Variants in DYM observed in about 807,000 individuals in gnomAD.
DYM encodes dymeclin.
Under a neutral mutation model 93.1 loss-of-function variants are expected in DYM, and 78 were observed. The ratio of observed to expected loss-of-function variants is 0.84; its 90% CI spans 0.70 to 1.01. DYM has a LOEUF of 1.01. Ranked by LOEUF, DYM falls within the 50% of genes least tolerant of loss-of-function variation. DYM has a pLI of 0.00. For synonymous variants in DYM, 321 were observed against 319.7 expected, an observed-to-expected ratio of 1.00 and a Z score of -0.04; for missense variants, 789 against 845.0, an observed-to-expected ratio of 0.93 and a Z score of 0.82.
chr18:49,114,624 A>C, intron 16 of DYM: 2 of 970,958 alleles, frequency 2.1e-6, no homozygotes, highest in Non-Finnish European at 2.4e-6. Flanking sequence ...TCCTGATTAA[A>C]AAAAATTAAT....
At chr18:49,296,603 G>T (rs1185134623) in intron 8 of DYM, among the ~76,000 whole-genome samples, 1 of 151,958 alleles carries the variant, frequency 6.6e-6, no homozygotes, top group Non-Finnish European at 1.5e-5. Context: ...ACTATTGGTG[G>T]GGGGAAATAG....
chr18:49,406,115 T>C (rs1439111592), intron 2 of DYM, among the ~76,000 whole-genome samples: 2 of 152,214 alleles, frequency 1.3e-5, no homozygotes, highest in Non-Finnish European at 2.9e-5. Flanking sequence ...AGGAATCTTC[T>C]GGAGGAGTTT....
chr18:49,241,426 A>G (rs1299349809), intron 13 of DYM, among the ~76,000 whole-genome samples: 1 of 152,234 alleles, frequency 6.6e-6, no homozygotes, highest in Non-Finnish European at 1.5e-5. Flanking sequence ...GAAATTCTGT[A>G]CCTTATAGAT....
In DYM at chr18:49,044,058, G is replaced by A. The variant is rs201928717; in HGVS notation, c.2172C>T (p.Asp724=). The part of the protein sequence containing the change: ...QDIQLFTMDS[D] Reference sequence around the variant, plus strand: ...CGGGTGGGAGAGCATCCTGCCCTCAGTCGGAATCCATGGTGAACAGCTGGA... The same window carrying A: ...CGGGTGGGAGAGCATCCTGCCCTCAATCGGAATCCATGGTGAACAGCTGGA... Residue 724 remains aspartate, a synonymous_variant, in exon 18 of 18, where the codon GAC becomes GAT. Transcript: ENST00000675505. 749 of 1,613,320 alleles carry A rather than the reference G, an allele frequency of 4.6e-4. No individual in the cohort carries two copies. The highest frequency in any genetic ancestry group is 3.6e-4 in the Non-Finnish European group (422 of 1,180,030).
intron 2 of DYM, among the ~76,000 whole-genome samples, chr18:49,396,629 T>C (rs768462114): frequency 6.6e-6 from 1 of 152,200 alleles, no homozygotes; most frequent in Non-Finnish European, 1.5e-5. Context: ...TGCACTCTCA[T>C]GTTTACTGCA....
intron 17 of DYM, among the ~76,000 whole-genome samples, chr18:49,095,816 G>A: frequency 6.6e-6 from 1 of 152,130 alleles, no homozygotes. Flanking sequence ...CCTGCACACT[G>A]TAATTCATTT....
chr18:49,409,684 G>C (rs1313188058), intron 2 of DYM, among the ~76,000 whole-genome samples: 1 of 152,216 alleles, frequency 6.6e-6, no homozygotes, highest in Non-Finnish European at 1.5e-5. Context: ...GAAGCCTGTA[G>C]TTCAAGAATT....
Position 49,286,294 on chromosome 18 carries a change from A to C in DYM, c.946+140T>G, listed in dbSNP as rs2059657891. On this transcript the variant is annotated intron_variant, in intron 9 of 17. Coordinates refer to ENST00000675505, the MANE Select transcript of DYM (RefSeq NM_001353214.3). ...ACCTTCCTGATAATATTGACAGGAA[A>C]AGCTAAAGTTTTTCTCATGTTTGAC... The C allele has an allele frequency of 2.2e-5, 21 of 947,100 alleles. No individual in the cohort carries two copies. The South Asian group carries it at 2.7e-4, about 12-fold the overall frequency. The allele number at this position is 947,100 out of a possible 1,614,324, so 58.7% of individuals were successfully genotyped here. A position where few individuals can be genotyped will look rare whatever the true frequency, so the allele number is the denominator to read the frequency against.
At chr18:49,186,526 C>T (rs989204850) in intron 14 of DYM, among the ~76,000 whole-genome samples, 1 of 152,156 alleles carries the variant, frequency 6.6e-6, no homozygotes, top group African/African-American at 2.4e-5. Context: ...AAAGGTCTGT[C>T]CTCCAAAAAC....
At chr18:49,248,881 A>G (rs1327858134) in intron 13 of DYM, among the ~76,000 whole-genome samples, 1 of 152,220 alleles carries the variant, frequency 6.6e-6, no homozygotes, top group Non-Finnish European at 1.5e-5. Flanking sequence ...GAACACATCC[A>G]TACCTGTCTC....
At chr18:49,398,425 C>T (rs1423528628) in intron 2 of DYM, among the ~76,000 whole-genome samples, 2 of 152,214 alleles carry the variant, frequency 1.3e-5, no homozygotes, top group East Asian at 3.9e-4. Context: ...CAAGCCTAGC[C>T]CAAGTCTTAG....
chr18:49,354,772 C>A (rs1023342479), intron 6 of DYM, among the ~76,000 whole-genome samples: 3 of 152,010 alleles, frequency 2.0e-5, no homozygotes, highest in Non-Finnish European at 4.4e-5. Flanking sequence ...AACACTAACA[C>A]CACCAAACGC....
At chr18:49,432,226 G>A (rs2080388014) in intron 1 of DYM, among the ~76,000 whole-genome samples, 1 of 151,198 alleles carries the variant, frequency 6.6e-6, no homozygotes, top group African/African-American at 2.4e-5. Flanking sequence ...AGCTACTAGG[G>A]AGGCTGAGAC....
At chr18:49,291,793 TA>T (rs1244388346) in intron 8 of DYM, among the ~76,000 whole-genome samples, 1 of 152,210 alleles carries the variant, frequency 6.6e-6, no homozygotes, top group Non-Finnish European at 1.5e-5. Flanking sequence ...CCTCATGACA[TA>T]GTTGAAGAAC....
At chr18:49,337,252 AATG>A (rs1395838608) in intron 6 of DYM, among the ~76,000 whole-genome samples, 8 of 152,148 alleles carry the variant, frequency 5.3e-5, no homozygotes, top group African/African-American at 1.7e-4. Flanking sequence ...AAGGATCCAG[AATG>A]TTGTTGACTG....
intron 8 of DYM, among the ~76,000 whole-genome samples, chr18:49,315,565 T>C (rs912216163): frequency 2.0e-5 from 3 of 152,204 alleles, no homozygotes; most frequent in African/African-American, 7.2e-5. Flanking sequence ...TATGGTCTGA[T>C]TACTTAAATT....
chr18:49,446,226 G>A (rs558206027), intron 1 of DYM, among the ~76,000 whole-genome samples: 9 of 151,992 alleles, frequency 5.9e-5, no homozygotes, highest in East Asian at 3.9e-4. Context: ...GTTCAAGAAC[G>A]GCCTGGGCAA....
At chr18:49,189,841 T>C (rs1488139919) in intron 14 of DYM, among the ~76,000 whole-genome samples, 2 of 152,220 alleles carry the variant, frequency 1.3e-5, no homozygotes. Context: ...CCACAAACTC[T>C]TGCAATAGTC....
chr18:49,234,206 A>G (rs962882270), intron 13 of DYM, among the ~76,000 whole-genome samples: 7 of 152,072 alleles, frequency 4.6e-5, no homozygotes, highest in East Asian at 1.9e-4. Flanking sequence ...TGTAATCTCA[A>G]CACTTTGGGA....
Sources: gnomAD v4.1 joint callset for allele counts (sites outside exome capture counted in the v4.1 genomes callset) on GRCh38, gnomAD v4.1.1 for gene constraint, MANE v1.5 for transcripts, NCBI Gene and HGNC (gene_info 2026-07-23, HGNC 2026-07-21) for gene names.